Variants in NALF1 observed in about 807,000 individuals in gnomAD.
NALF1 encodes NALCN channel auxiliary factor 1, also known as family with sequence similarity 155 member A.
A neutral mutation model predicts 48.4 loss-of-function variants in NALF1; 3 were observed. That is an observed-to-expected ratio of 0.06 (90% CI 0.03 to 0.16). The LOEUF is 0.16. Ranked by LOEUF, NALF1 falls within the 10% of genes least tolerant of loss-of-function variation. The probability of loss-of-function intolerance (pLI) is 1.00; values close to 1 mark genes in which losing one functional copy is unlikely to be tolerated. For synonymous variants in NALF1, 262 were observed against 245.7 expected (o/e 1.07, Z -0.62); for missense variants, 526 against 571.5 (o/e 0.92, Z 0.81).
intron 1 of NALF1, among the ~76,000 whole-genome samples, chr13:107,751,425 G>A (rs1876934935): frequency 6.6e-6 from 1 of 152,122 alleles, no homozygotes; most frequent in Admixed American, 6.6e-5. Context: ...TCAAACAGCT[G>A]GTGTTCGGAC....
chr13:107,506,598 A>C (rs199597568), intron 1 of NALF1, among the ~76,000 whole-genome samples: 2 of 116,830 alleles, frequency 1.7e-5, no homozygotes, highest in African/African-American at 6.2e-5. Flanking sequence ...ATTTTTCTCT[A>C]TTTATTTTGG....
chr13:107,789,672 G>A (rs750999510), intron 1 of NALF1, among the ~76,000 whole-genome samples: 1 of 152,162 alleles, frequency 6.6e-6, no homozygotes, highest in Non-Finnish European at 1.5e-5. Context: ...CCATGTTAGA[G>A]ATAATAAAAC....
At chr13:107,355,270 T>C (rs1882942860) in intron 1 of NALF1, among the ~76,000 whole-genome samples, 1 of 152,140 alleles carries the variant, frequency 6.6e-6, no homozygotes, top group African/African-American at 2.4e-5. Context: ...TAATAGAGTT[T>C]TTGAAGCAAA....
chr13:107,818,402 A>G (rs988813329), intron 1 of NALF1, among the ~76,000 whole-genome samples: 1 of 152,076 alleles, frequency 6.6e-6, no homozygotes. Context: ...GGAATTGGAG[A>G]CACTGGAGGA....
At chr13:107,836,354 C>G (rs1433665718) in intron 1 of NALF1, among the ~76,000 whole-genome samples, 1 of 152,036 alleles carries the variant, frequency 6.6e-6, no homozygotes, top group Admixed American at 6.6e-5. Context: ...ACTTTGCTTT[C>G]AAAGCTGTCT....
intron 1 of NALF1, among the ~76,000 whole-genome samples, chr13:107,850,820 T>C (rs139378583): frequency 9.2e-5 from 14 of 152,010 alleles, no homozygotes; most frequent in African/African-American, 2.9e-4. Context: ...AGAGAATCAC[T>C]TGAACCCAGG....
chr13:107,291,532 A>G (rs1416106698), intron 1 of NALF1, among the ~76,000 whole-genome samples: 2 of 152,070 alleles, frequency 1.3e-5, no homozygotes, highest in Non-Finnish European at 2.9e-5. Flanking sequence ...CTTGGGTCCA[A>G]TCCCTGAACT....
In NALF1 at chr13:107,865,557, A is replaced by T. The variant is rs147188620; in HGVS notation, c.915+125T>A. On this transcript the variant is annotated intron_variant, in intron 1 of 2. Transcript: ENST00000375915. The stretch of plus-strand genomic sequence containing the variant: ...TCAAACAGCAAGCCAAGCTCTTAAT[A>T]ACCGCAGAAAACACAAAGTAACAAA... 1,816 of 1,304,628 alleles carry T rather than the reference A, an allele frequency of 1.4e-3. 23 individuals carry two copies. In the African/African-American group the frequency reaches 0.024, roughly 17 times the overall value. 80.8% of individuals were successfully genotyped at this position (1,304,628 alleles called of 1,614,324 possible).
In NALF1 at chr13:107,164,757, A is replaced by T. The variant is rs150582398; in HGVS notation, c.*5740T>A. 5.8e-4 allele frequency: 88 copies of T among 152,212 alleles called. 1 individual carries two copies. In the East Asian group the frequency reaches 0.015, roughly 26 times the overall value. The allele number at this position is 152,212 out of a possible 1,614,324, so 9.4% of individuals were successfully genotyped here. A position where few individuals can be genotyped will look rare whatever the true frequency, so the allele number is the denominator to read the frequency against. On this transcript the variant is annotated 3_prime_UTR_variant, in exon 3 of 3. Coordinates refer to ENST00000375915, the MANE Select transcript of NALF1 (RefSeq NM_001080396.3). ...TTCAAACTGTATTGAAAATCTATTGATGGTCAGTCTGCTAGCTTAAGGATG... is the reference window on the plus strand; with the variant it reads ...TTCAAACTGTATTGAAAATCTATTGTTGGTCAGTCTGCTAGCTTAAGGATG...
At chr13:107,351,255 G>T (rs1447675466) in intron 1 of NALF1, among the ~76,000 whole-genome samples, 6 of 117,570 alleles carry the variant, frequency 5.1e-5, no homozygotes, top group Non-Finnish European at 9.3e-5. Flanking sequence ...TGTTCTTACC[G>T]CAATAAAAAT....
At chr13:107,576,831 C>T (rs1242894136) in intron 1 of NALF1, among the ~76,000 whole-genome samples, 2 of 152,066 alleles carry the variant, frequency 1.3e-5, no homozygotes, top group African/African-American at 2.4e-5. Context: ...ATAAATATTT[C>T]GTAGTCTCAG....
intron 1 of NALF1, among the ~76,000 whole-genome samples, chr13:107,321,433 T>C (rs1882252965): frequency 1.3e-5 from 2 of 152,270 alleles, no homozygotes; most frequent in African/African-American, 4.8e-5. Context: ...ACTGGAAACA[T>C]AAAATTTGCT....
chr13:107,739,114 A>G (rs1380706123), intron 1 of NALF1, among the ~76,000 whole-genome samples: 1 of 152,056 alleles, frequency 6.6e-6, no homozygotes, highest in African/African-American at 2.4e-5. Flanking sequence ...AACAATGAGA[A>G]CACACGGACA....
At chr13:107,188,613 T>C (rs1423496044) in intron 2 of NALF1, among the ~76,000 whole-genome samples, 2 of 152,206 alleles carry the variant, frequency 1.3e-5, no homozygotes, top group African/African-American at 2.4e-5. Flanking sequence ...TCTGTAATGA[T>C]GAATAAAGGC....
intron 1 of NALF1, among the ~76,000 whole-genome samples, chr13:107,448,673 T>G (rs1884690529): frequency 6.6e-6 from 1 of 152,194 alleles, no homozygotes; most frequent in Non-Finnish European, 1.5e-5. Context: ...CCCAAGGAGC[T>G]GTTTTAGGTG....
At chr13:107,248,110 T>C (rs913530867) in intron 1 of NALF1, among the ~76,000 whole-genome samples, 8 of 151,978 alleles carry the variant, frequency 5.3e-5, no homozygotes, top group South Asian at 2.1e-4. Flanking sequence ...CACTCTGCTG[T>C]AGCAGCAATG....
At chr13:107,704,754 T>C (rs772880356) in intron 1 of NALF1, among the ~76,000 whole-genome samples, 8 of 152,290 alleles carry the variant, frequency 5.3e-5, no homozygotes, top group Non-Finnish European at 4.4e-5. Flanking sequence ...TAGAATATGA[T>C]ATATTCATCA....
chr13:107,326,820 C>T (rs974320860), intron 1 of NALF1, among the ~76,000 whole-genome samples: 1 of 151,834 alleles, frequency 6.6e-6, no homozygotes, highest in African/African-American at 2.4e-5. Context: ...TTAGAGGATT[C>T]CCTCACATGA....
intron 1 of NALF1, among the ~76,000 whole-genome samples, chr13:107,669,646 T>C (rs1478274107): frequency 6.6e-6 from 1 of 152,164 alleles, no homozygotes; most frequent in Admixed American, 6.6e-5. Flanking sequence ...TTTTCAGAGA[T>C]GAACCGCATG....
Sources: allele counts gnomAD v4.1 joint callset (sites outside exome capture counted in the v4.1 genomes callset), GRCh38; gene constraint gnomAD v4.1.1; transcripts MANE v1.5; gene names NCBI Gene and HGNC (gene_info 2026-07-23, HGNC 2026-07-21).